RIDA: variants seen among roughly 807,000 people sequenced by gnomAD.
RIDA encodes the protein 2-iminobutanoate/2-iminopropanoate deaminase.
RIDA carries 17 observed loss-of-function variants against 17.8 expected under a neutral mutation model. The ratio of observed to expected loss-of-function variants is 0.96; its 90% CI spans 0.65 to 1.43. RIDA has a LOEUF of 1.43. Ranked by LOEUF, RIDA falls within the 40% of genes most tolerant of loss-of-function variation. The pLI is 0.00. For synonymous variants in RIDA, 48 were observed against 55.7 expected (o/e 0.86, Z 0.62); for missense variants, 158 against 161.7 (o/e 0.98, Z 0.12).
intron 5 of RIDA, 105 bp from the exon 6 acceptor site, chr8:98,103,009 A>G: frequency 1.3e-6 from 1 of 744,448 alleles, no homozygotes; most frequent in Non-Finnish European, 2.3e-6. Flanking sequence ...CATTTTTAAC[A>G]TTAAACTTTT....
rs369274076 is a variant in RIDA, at chr8:98,102,831, A to C, written c.*11T>G. On this transcript the variant is annotated 3_prime_UTR_variant, in exon 6 of 6. Transcript: ENST00000254878. ...TGTTAACAATTCCAGACTACACAGCACTGGGCCCACTTATAGTGATGCCGT... is the reference window on the plus strand; with the variant it reads ...TGTTAACAATTCCAGACTACACAGCCCTGGGCCCACTTATAGTGATGCCGT... The C allele has an allele frequency of 3.1e-6, 5 of 1,596,240 alleles. No homozygotes were observed. In the African/African-American group the frequency reaches 6.7e-5, roughly 21 times the overall value.
chr8:98,111,319 G>A (rs1052088788), intron 1 of RIDA, among the ~76,000 whole-genome samples: 2 of 152,096 alleles, frequency 1.3e-5, no homozygotes, highest in Non-Finnish European at 2.9e-5. Flanking sequence ...ATTTAGAAGT[G>A]AAATGTGGCA....
In RIDA at chr8:98,105,934, T is replaced by A; in HGVS notation, c.295+4A>T. 1 of 1,585,874 alleles carries A rather than the reference T, an allele frequency of 6.3e-7. No homozygotes were observed. The highest frequency in any genetic ancestry group is 8.7e-7 in the Non-Finnish European group (1 of 1,155,096). The stretch of plus-strand genomic sequence containing the variant: ...GAAAATAGGAATAAAGCCAAATTAC[T>A]TACACTGTTTGTAGATTTCATTGAC... On this transcript the variant is annotated splice_donor_region_variant and intron_variant, in intron 4 of 5. Transcript: ENST00000254878.
Position 98,115,554 on chromosome 8 carries a change from C to T in RIDA, c.65+1478G>A, listed in dbSNP as rs575796999. On this transcript the variant is annotated intron_variant, in intron 1 of 5. Transcript: ENST00000254878. ...CATCACTTGAAAGTTTTTAATTAAA[C>T]TTTTTTTTTTTTTTAAATAGAGATG... Among the ~76,000 whole-genome samples the T allele has an allele frequency of 5.4e-3, 793 of 147,292 alleles. 3 individuals carry two copies. Among genetic ancestry groups the T allele is most frequent in the Middle Eastern group, 0.01 (3 of 286 alleles).
chr8:98,109,158 C>G (rs79973484), intron 1 of RIDA, among the ~76,000 whole-genome samples: 1 of 152,042 alleles, frequency 6.6e-6, no homozygotes, highest in South Asian at 2.1e-4. Context: ...TATACCACTG[C>G]GCTCCAGCCT....
intron 1 of RIDA, chr8:98,113,926 A>G (rs1815764262): frequency 6.6e-6 from 1 of 152,214 alleles, no homozygotes; most frequent in Non-Finnish European, 1.5e-5. Flanking sequence ...TTACCTCCAA[A>G]TTTCTATCAG....
rs770690678 is a variant in RIDA, at chr8:98,105,964, T to C, written c.269A>G (p.Asn90Ser). Residue 90 changes from asparagine to serine, a missense_variant, in exon 4 of 6, where the codon AAT (asparagine) becomes AGT (serine). Transcript: ENST00000254878. ...CTGTTTGTAGATTTCATTGACAGTA[T>C]TGAAGTCATTTATGTCAGCCAGAAG... is the stretch of plus-strand genomic sequence containing the variant. The part of the protein sequence containing the change: ...TVLLADINDF[N>S]TVNEIYKQYF... 8.7e-6 allele frequency: 14 copies of C among 1,607,680 alleles called. No homozygotes were observed. The highest frequency in any genetic ancestry group is 4.4e-5 in the South Asian group (4 of 90,936).
chr8:98,111,028 C>A (rs999164060), intron 1 of RIDA, among the ~76,000 whole-genome samples: 2 of 152,142 alleles, frequency 1.3e-5, no homozygotes, highest in Non-Finnish European at 2.9e-5. Context: ...GTCAATTAAG[C>A]CTCTTTATAA....
At position 98,104,494 on chromosome 8, in the gene RIDA, G is replaced by A; in HGVS notation, c.346C>T (p.Pro116Ser). The change falls in exon 5 of 6, where the codon CCC (proline) becomes TCC (serine). Residue 116 changes from proline to serine, a missense_variant. Coordinates refer to ENST00000254878, the MANE Select transcript of RIDA (RefSeq NM_005836.3). ...GTCATTTAAAGTGTACTTACTTTGG[G>A]TAAAGCAGCAACTTGGTAAGCAGCT... ...ARAAYQVAAL[P>S]KGSRIEIEAV... 6.4e-7 allele frequency: 1 copy of A among 1,573,644 alleles called. No homozygotes were observed. The highest frequency in any genetic ancestry group is 8.7e-7 in the Non-Finnish European group (1 of 1,143,854).
At chr8:98,112,990 C>G (rs1406580833) in intron 1 of RIDA, among the ~76,000 whole-genome samples, 1 of 152,184 alleles carries the variant, frequency 6.6e-6, no homozygotes, top group Non-Finnish European at 1.5e-5. Flanking sequence ...ACTTTCTGAG[C>G]ATAAGAATCC....
In RIDA at chr8:98,115,413, AAAG is replaced by A. The variant is rs1366462095; in HGVS notation, c.65+1616_65+1618del. Among the ~76,000 whole-genome samples, 902 of 91,794 alleles carry A rather than the reference AAAG, an allele frequency of 9.8e-3. 77 individuals are homozygous for A. Among genetic ancestry groups the A allele is most frequent in the African/African-American group, 0.041 (852 of 20,542 alleles). The allele number at this position is 91,794 out of a possible 152,430, so 60.2% of individuals were successfully genotyped here. On this transcript the variant is annotated intron_variant, in intron 1 of 5. Transcript: ENST00000254878. ...CAAAAAAAAAAAAAAAAAAAAAAAAAAAGGGATAGTGCCCAATGCTGCTGAGTA... is the reference window on the plus strand; with the variant it reads ...CAAAAAAAAAAAAAAAAAAAAAAAAAGGATAGTGCCCAATGCTGCTGAGTA...
At chr8:98,115,160 G>A (rs927877802) in intron 1 of RIDA, among the ~76,000 whole-genome samples, 4 of 152,036 alleles carry the variant, frequency 2.6e-5, no homozygotes, top group African/African-American at 9.7e-5. Context: ...AGCCGAGGTA[G>A]GTGGATCGCT....
intron 2 of RIDA, 63 bp from the exon 3 acceptor site, chr8:98,106,389 C>T (rs1195248837): frequency 1.4e-6 from 2 of 1,387,820 alleles, no homozygotes; most frequent in Non-Finnish European, 2.0e-6. Flanking sequence ...TAATTAAATT[C>T]AATTAATCAT....
chr8:98,111,195 C>A (rs1404749761), intron 1 of RIDA, among the ~76,000 whole-genome samples: 1 of 151,968 alleles, frequency 6.6e-6, no homozygotes, highest in Non-Finnish European at 1.5e-5. Flanking sequence ...TACATTGATA[C>A]CTGAAAAAAA....
chr8:98,114,585 C>T (rs1251508724), intron 1 of RIDA, among the ~76,000 whole-genome samples: 5 of 151,684 alleles, frequency 3.3e-5, no homozygotes, highest in African/African-American at 7.3e-5. Flanking sequence ...CCACCTGCCT[C>T]GGCCTCCCAA....
chr8:98,104,859 C>T (rs1473893233), intron 4 of RIDA, among the ~76,000 whole-genome samples: 5 of 151,940 alleles, frequency 3.3e-5, no homozygotes, highest in Admixed American at 6.6e-5. Flanking sequence ...TACAGGTGTG[C>T]ACCACCATGC....
intron 1 of RIDA, among the ~76,000 whole-genome samples, chr8:98,109,387 T>TA (rs1815685751): frequency 6.6e-6 from 1 of 151,990 alleles, no homozygotes; most frequent in South Asian, 2.1e-4. Flanking sequence ...TACAAAGAGT[T>TA]AGAGTACATG....
intron 2 of RIDA, among the ~76,000 whole-genome samples, chr8:98,108,100 A>G (rs1815659450): frequency 2.0e-5 from 3 of 151,930 alleles, no homozygotes; most frequent in Admixed American, 6.6e-5. Context: ...TTTTTAGTAG[A>G]GATGGGGTTT....
At chr8:98,106,070 A>C (rs1168748862) in intron 3 of RIDA, 64 bp from the exon 4 acceptor site, 1 of 1,247,032 alleles carries the variant, frequency 8.0e-7, no homozygotes, top group Non-Finnish European at 1.2e-6. Context: ...ATTACTTAGA[A>C]AAAGAGTGTA....
Sources: allele counts gnomAD v4.1 joint callset (sites outside exome capture counted in the v4.1 genomes callset), GRCh38; gene constraint gnomAD v4.1.1; transcripts MANE v1.5; gene names NCBI Gene and HGNC (gene_info 2026-07-23, HGNC 2026-07-21).